The following TMEM223 variants were observed in gnomAD, a reference collection of about 807,000 sequenced individuals.
TMEM223 encodes transmembrane protein 223.
In TMEM223, 14 loss-of-function variants were observed where a neutral mutation model predicts 14.1. The ratio of observed to expected loss-of-function variants is 0.99; its 90% CI spans 0.66 to 1.55. The LOEUF (loss-of-function observed/expected upper bound fraction) is 1.55, where lower values mean the gene tolerates loss of function less well. TMEM223 is among the 40% of genes most tolerant of loss of function. The probability of loss-of-function intolerance (pLI) is 0.00; values close to 1 mark genes in which losing one functional copy is unlikely to be tolerated. For missense variants in TMEM223, 346 were observed against 269.9 expected, an observed-to-expected ratio of 1.28 and a Z score of -1.97; for synonymous variants, 145 against 120.5, an observed-to-expected ratio of 1.20 and a Z score of -1.33.
chr11:62,789,263 C>T, downstream of TMEM223: 2 of 1,613,966 alleles, frequency 1.2e-6, no homozygotes, highest in Middle Eastern at 1.6e-4. Context: ...GCCTCACCTC[C>T]ACCACAAGGC....
chr11:62,791,999 A>C lies in TMEM223; in HGVS notation c.-5T>G. 6.6e-7 allele frequency: 1 copy of C among 1,521,694 alleles called. No homozygotes were observed. The highest frequency in any genetic ancestry group is 8.8e-7 in the Non-Finnish European group (1 of 1,129,970). The allele number at this position is 1,521,694 out of a possible 1,614,324, so 94.3% of individuals were successfully genotyped here. The stretch of plus-strand genomic sequence containing the variant: ...TCGCCTCCAAGGCGCCGCCATGGCC[A>C]GCCGACTTCCGGGGTGGGGCTTCCT... On this transcript the variant is annotated 5_prime_UTR_variant, in exon 1 of 2. Coordinates refer to ENST00000307366, the MANE Select transcript of TMEM223 (RefSeq NM_001080501.3).
chr11:62,782,325 C>T lies in TMEM223; in HGVS notation c.315-7660G>A, dbSNP rs150568366. ...ATGGGGCTGCCCTCCTGCTCAGCCA[C>T]ATCTTCTGGTAGCCACTGGGCCTAA... On this transcript the variant is annotated intron_variant, in intron 1 of 2. Coordinates refer to the TMEM223 transcript ENST00000528367. The T allele has an allele frequency of 8.2e-5, 132 of 1,613,450 alleles. 1 individual carries two copies. The African/African-American group carries it at 1.6e-3, about 20-fold the overall frequency.
chr11:62,774,987 C>G (rs575464653), intron 1 of TMEM223, among the ~76,000 whole-genome samples: 1 of 151,418 alleles, frequency 6.6e-6, no homozygotes, highest in African/African-American at 2.4e-5. Flanking sequence ...TTACTTGAAC[C>G]CGGGAGGCGG....
rs1554996873 is a variant in TMEM223 at position 62,779,952 on chromosome 11, C to CTACATATATATATA, written c.315-5288_315-5287insTATATATATATGTA. 3.0e-4 allele frequency among the ~76,000 whole-genome samples: 30 copies of CTACATATATATATA among 100,028 alleles called. 5 individuals are homozygous for CTACATATATATATA. The highest frequency in any genetic ancestry group is 3.3e-4 in the Admixed American group (3 of 9,194). The allele number at this position is 100,028 out of a possible 152,430, so 65.6% of individuals were successfully genotyped here. ...AAGTGGTGGGATTACAGGCGTGAGC[C>CTACATATATATATA]TATATATATATATATATATATATAT... On this transcript the variant is annotated intron_variant, in intron 1 of 2. Transcript: ENST00000528367.
chr11:62,786,287 C>T, downstream of TMEM223: 1 of 1,614,118 alleles, frequency 6.2e-7, no homozygotes, highest in Non-Finnish European at 8.5e-7. Flanking sequence ...GTACCCACAC[C>T]TGTCCACCTA....
chr11:62,784,006 G>A (rs926810856), downstream of TMEM223, among the ~76,000 whole-genome samples: 2 of 450 alleles, frequency 4.4e-3, no homozygotes, highest in Non-Finnish European at 9.9e-3. Flanking sequence ...CTCCAGCCCG[G>A]GCGACAGAGT....
chr11:62,785,381 C>T (rs1013431072), downstream of TMEM223, among the ~76,000 whole-genome samples: 5 of 150,676 alleles, frequency 3.3e-5, no homozygotes, highest in South Asian at 6.3e-4. Context: ...TTAGTAGAGA[C>T]GGGGTTTCAC....
At chr11:62,778,507 G>A (rs1392815931) in intron 1 of TMEM223, 4 of 745,934 alleles carry the variant, frequency 5.4e-6, no homozygotes, top group Non-Finnish European at 9.0e-6. Context: ...AGTTGGAGAT[G>A]GGGGCCCAGA....
chr11:62,775,515 G>A (rs185884842), intron 1 of TMEM223: 21 of 400,994 alleles, frequency 5.2e-5, no homozygotes, highest in African/African-American at 2.4e-4. Context: ...AATTCACATA[G>A]AAGGTGACAG....
intron 1 of TMEM223, among the ~76,000 whole-genome samples, chr11:62,775,017 TC>T (rs1403293159): frequency 2.1e-5 from 3 of 145,834 alleles, no homozygotes; most frequent in African/African-American, 7.7e-5. Context: ...TGAGCTGAGA[TC>T]GCGCTGCTAC....
At chr11:62,772,740 G>A (rs1157470544) in intron 2 of TMEM223, among the ~76,000 whole-genome samples, 2 of 150,192 alleles carry the variant, frequency 1.3e-5, no homozygotes, top group Non-Finnish European at 3.0e-5. Flanking sequence ...GGAGGTTTTA[G>A]TGAGCCGAGA....
At position 62,790,432 on chromosome 11, in the gene TMEM223, T is replaced by G. The variant is rs532187997; in HGVS notation, c.*191A>C. On this transcript the variant is annotated 3_prime_UTR_variant, in exon 2 of 2. Transcript: ENST00000307366. ...TTGTTACTCCATTCTAAGATTGGCG[T>G]TTTTTTTTGTTTTTTTTTTTGTAAA... The G allele has an allele frequency of 1.3e-3, 722 of 566,206 alleles. 14 individuals are homozygous for G. In the South Asian group the frequency reaches 0.013, roughly 10 times the overall value. 35.1% of individuals were successfully genotyped at this position (566,206 alleles called of 1,614,324 possible). A position where few individuals can be genotyped will look rare whatever the true frequency, so the allele number is the denominator to read the frequency against.
Position 62,790,587 on chromosome 11 carries a change from T to G in TMEM223, c.*36A>C. 1 of 1,563,008 alleles carries G rather than the reference T, an allele frequency of 6.4e-7. No homozygotes were observed. Among genetic ancestry groups the G allele is most frequent in the African/African-American group, 1.4e-5 (1 of 73,906 alleles). ...GCTCCCCAAGGTTCAGTTTTTATCC[T>G]CCTCTTGGAGAGGTGAGTGACTTGA... is the stretch of plus-strand genomic sequence containing the variant. On this transcript the variant is annotated 3_prime_UTR_variant, in exon 2 of 2. Transcript: ENST00000307366.
At chr11:62,780,332 G>A (rs1380544403) in intron 1 of TMEM223, among the ~76,000 whole-genome samples, 2 of 151,320 alleles carry the variant, frequency 1.3e-5, no homozygotes, top group Non-Finnish European at 2.9e-5. Context: ...CTAACATGGT[G>A]AAACCCCGTC....
At chr11:62,787,046 G>T, downstream of TMEM223, 1 of 1,521,528 alleles carries the variant, frequency 6.6e-7, no homozygotes, top group South Asian at 1.2e-5. Flanking sequence ...CAGGGCCCCG[G>T]GACCGGCACC....
chr11:62,786,474 G>T, downstream of TMEM223: 1 of 1,584,128 alleles, frequency 6.3e-7, no homozygotes. Context: ...ATGGGCCCAG[G>T]TTCCTCGAAT....
chr11:62,776,585 T>C lies in TMEM223; in HGVS notation c.315-1920A>G, dbSNP rs1290325025. The C allele has an allele frequency of 3.9e-6, 4 of 1,022,224 alleles. No homozygotes were observed. The East Asian group carries it at 1.1e-4, about 29-fold the overall frequency. 63.3% of individuals were successfully genotyped at this position (1,022,224 alleles called of 1,614,324 possible). A position where few individuals can be genotyped will look rare whatever the true frequency, so the allele number is the denominator to read the frequency against. Reference sequence around the variant, plus strand: ...ACCAAACGCTGCCGGGCATGGTGGCTCATGCCTGTAATCCCAGCACTTTGG... The same window carrying C: ...ACCAAACGCTGCCGGGCATGGTGGCCCATGCCTGTAATCCCAGCACTTTGG... On this transcript the variant is annotated intron_variant, in intron 1 of 2. Transcript: ENST00000528367.
chr11:62,786,525 A>G (rs1333168592), downstream of TMEM223: 1 of 1,554,056 alleles, frequency 6.4e-7, no homozygotes, highest in Admixed American at 1.9e-5. Context: ...AGGTGGCGGT[A>G]GAGCGACTGC....
At chr11:62,772,751 T>C (rs1339929673) in intron 2 of TMEM223, among the ~76,000 whole-genome samples, 1 of 146,464 alleles carries the variant, frequency 6.8e-6, no homozygotes, top group Non-Finnish European at 1.5e-5. Context: ...TGAGCCGAGA[T>C]CAAGCCACTG....
Sources: gnomAD v4.1 joint callset for allele counts (sites outside exome capture counted in the v4.1 genomes callset) on GRCh38, gnomAD v4.1.1 for gene constraint, MANE v1.5 for transcripts, NCBI Gene and HGNC (gene_info 2026-07-23, HGNC 2026-07-21) for gene names.